Variants in MAP4 observed in about 807,000 individuals in gnomAD.
MAP4 encodes microtubule-associated protein 4.
MAP4 carries 76 observed loss-of-function variants against 170.2 expected under a neutral mutation model. The observed-to-expected ratio is 0.45, with a 90% CI of 0.37 to 0.54. The LOEUF (loss-of-function observed/expected upper bound fraction) is 0.54. MAP4 is among the 20% of genes least tolerant of loss of function. The probability of loss-of-function intolerance (pLI) is 0.00; values close to 1 mark genes in which losing one functional copy is unlikely to be tolerated. For synonymous variants in MAP4, 909 were observed against 994.5 expected, an observed-to-expected ratio of 0.91 and a Z score of 1.62; for missense variants, 2,506 against 2,748.0, an observed-to-expected ratio of 0.91 and a Z score of 1.97.
At chr3:47,973,313 A>G (rs1578575943) in intron 3 of MAP4, 2 of 985,410 alleles carry the variant, frequency 2.0e-6, no homozygotes, top group Middle Eastern at 1.0e-3. Context: ...AAATCATCAC[A>G]TTTCAACAAA....
chr3:47,943,223 A>C (rs931864583), intron 3 of MAP4, among the ~76,000 whole-genome samples: 12 of 152,222 alleles, frequency 7.9e-5, no homozygotes, highest in Non-Finnish European at 1.5e-4. Flanking sequence ...CATTTTTTAT[A>C]ATTAAATAGA....
chr3:48,048,390 C>G (rs2100125681), intron 1 of MAP4, among the ~76,000 whole-genome samples: 1 of 151,388 alleles, frequency 6.6e-6, no homozygotes, highest in Non-Finnish European at 1.5e-5. Flanking sequence ...ACTTATTTGG[C>G]AACATCTAGT....
At chr3:48,049,725 GT>G in intron 1 of MAP4, among the ~76,000 whole-genome samples, 1 of 152,246 alleles carries the variant, frequency 6.6e-6, no homozygotes, top group East Asian at 1.9e-4. Context: ...GACGTCAGGA[GT>G]TTGAGACCAG....
At chr3:48,029,998 A>AAT (rs1300030243) in intron 1 of MAP4, among the ~76,000 whole-genome samples, 1 of 147,150 alleles carries the variant, frequency 6.8e-6, no homozygotes, top group Admixed American at 6.8e-5. Context: ...CAAAAAAAAA[A>AAT]ATATATATAT....
chr3:48,012,262 C>A (rs992261616), intron 1 of MAP4, among the ~76,000 whole-genome samples: 5 of 152,290 alleles, frequency 3.3e-5, no homozygotes, highest in Admixed American at 6.5e-5. Context: ...CATGTTCTCT[C>A]TTTTTGCTAA....
chr3:47,950,031 A>C lies in MAP4; in HGVS notation c.293-21681T>G, dbSNP rs116244278. Among the ~76,000 whole-genome samples, 120 of 152,274 alleles carry C rather than the reference A, an allele frequency of 7.9e-4. 1 individual carries two copies. Among genetic ancestry groups the C allele is most frequent in the African/African-American group, 2.7e-3 (114 of 41,572 alleles). On this transcript the variant is annotated intron_variant, in intron 3 of 20. Transcript: ENST00000683076. ...TTGCTTTTAACCCTCGGCTGGTGCC[A>C]TCCTCAGGAACTTAAAACTGCAACA...
chr3:47,939,833 G>A (rs1468223399), intron 3 of MAP4, among the ~76,000 whole-genome samples: 1 of 150,840 alleles, frequency 6.6e-6, no homozygotes, highest in African/African-American at 2.4e-5. Context: ...TGTTGTTGTT[G>A]TTTTTTTCAT....
chr3:47,855,343 T>C lies in MAP4; in HGVS notation c.6601A>G (p.Ile2201Val). 1 of 1,612,036 alleles carries C rather than the reference T, an allele frequency of 6.2e-7. No homozygotes were observed. The highest frequency in any genetic ancestry group is 8.5e-7 in the Non-Finnish European group (1 of 1,178,140). Reference protein sequence around the residue: ...KHKPGGGDVKIESQKLNFKEK... With the variant: ...KHKPGGGDVKVESQKLNFKEK... ...TTGAAGTTCAACTTCTGACTTTCAA[T>C]CTTGACATCTCCTCCACCTGGAACC... Residue 2201 changes from isoleucine to valine, a missense_variant, in exon 19 of 21, where the codon ATT (isoleucine) becomes GTT (valine). Physicochemically the swap from Ile to Val is conservative, Grantham distance 29. Around this residue, in one of 3 missense-constraint regions of MAP4, gnomAD observed 487 missense variants for 511.6 expected, o/e 0.95. Transcript: ENST00000683076. The surrounding 1 kb of genome is among the most constrained non-coding windows in gnomAD (Gnocchi z 5.1).
intron 1 of MAP4, among the ~76,000 whole-genome samples, chr3:48,062,796 T>C (rs2100136527): frequency 6.6e-6 from 1 of 151,208 alleles, no homozygotes; most frequent in Non-Finnish European, 1.5e-5. Flanking sequence ...TGGTGGCACA[T>C]GCCTGTAATC....
chr3:48,074,422 C>T (rs2100142603), intron 1 of MAP4, among the ~76,000 whole-genome samples: 2 of 149,386 alleles, frequency 1.3e-5, no homozygotes, highest in South Asian at 4.2e-4. Context: ...CAAACCTGCA[C>T]ATTGTGCCCA....
At chr3:48,056,772 G>A (rs867745130) in intron 1 of MAP4, among the ~76,000 whole-genome samples, 5 of 54,114 alleles carry the variant, frequency 9.2e-5, no homozygotes, top group African/African-American at 2.1e-4. Flanking sequence ...CCGGCCAGCC[G>A]CCCCGTCCGG....
intron 1 of MAP4, among the ~76,000 whole-genome samples, chr3:48,030,271 A>G (rs1470877669): frequency 1.3e-5 from 2 of 151,552 alleles, no homozygotes; most frequent in Non-Finnish European, 2.9e-5. Context: ...AGTCCTTTCA[A>G]ACTCAGATGA....
At chr3:48,056,796 G>A in intron 1 of MAP4, among the ~76,000 whole-genome samples, 1 of 81,822 alleles carries the variant, frequency 1.2e-5, no homozygotes, top group South Asian at 4.5e-4. Context: ...GGAGGTGGGG[G>A]GGTCAGCCCC....
chr3:48,014,053 C>A (rs915025593), intron 1 of MAP4, among the ~76,000 whole-genome samples: 1 of 152,144 alleles, frequency 6.6e-6, no homozygotes, highest in African/African-American at 2.4e-5. Context: ...CTCTTGACTA[C>A]AATCTCACTA....
chr3:47,949,332 G>A (rs2100062147), intron 3 of MAP4, among the ~76,000 whole-genome samples: 3 of 151,944 alleles, frequency 2.0e-5, no homozygotes, highest in Admixed American at 2.0e-4. Flanking sequence ...CCAGTGTGGT[G>A]GTGTGCATCT....
intron 1 of MAP4, among the ~76,000 whole-genome samples, chr3:48,042,588 T>TA (rs901070175): frequency 2.7e-4 from 41 of 150,430 alleles, no homozygotes; most frequent in Admixed American, 2.7e-4. Context: ...ATGACTAAAA[T>TA]AAAAAAAAAC....
At chr3:47,866,347 AAAAC>A (rs375667786) in intron 17 of MAP4, among the ~76,000 whole-genome samples, 1,908 of 151,274 alleles carry the variant, frequency 0.013, 34 homozygotes, top group South Asian at 0.041. Context: ...AAACAAAAAC[AAAAC>A]AAACAAACAA....
intron 17 of MAP4, among the ~76,000 whole-genome samples, chr3:47,858,514 A>C (rs945032082): frequency 1.3e-5 from 2 of 152,028 alleles, no homozygotes; most frequent in African/African-American, 4.8e-5. Context: ...CTCCTTGCCC[A>C]GAGAACCTGG....
chr3:48,074,887 G>A (rs1487267374), intron 1 of MAP4, among the ~76,000 whole-genome samples: 1 of 151,930 alleles, frequency 6.6e-6, no homozygotes, highest in African/African-American at 2.4e-5. Flanking sequence ...GGCATCCCAC[G>A]TTCATGAAGT....
Sources: allele counts gnomAD v4.1 joint callset (sites outside exome capture counted in the v4.1 genomes callset), GRCh38; gene constraint gnomAD v4.1.1; regional missense constraint gnomAD v4.1.1; non-coding constraint Gnocchi (gnomAD v3.1); transcripts MANE v1.5; gene names NCBI Gene and HGNC (gene_info 2026-07-23, HGNC 2026-07-21).